Variants in ALCAM observed in about 807,000 individuals in gnomAD.
ALCAM encodes CD166 antigen.
In ALCAM, 30 loss-of-function variants were observed where a neutral mutation model predicts 70.9. The observed-to-expected ratio is 0.42, with a 90% CI of 0.32 to 0.57. ALCAM has a LOEUF of 0.57. Among genes scored for constraint, ALCAM ranks in the 20% least tolerant of loss-of-function variants. The probability of loss-of-function intolerance (pLI) is 0.11; values close to 1 mark genes in which losing one functional copy is unlikely to be tolerated. For missense variants in ALCAM, 591 were observed against 695.1 expected (o/e 0.85, Z 1.68); for synonymous variants, 249 against 242.5 (o/e 1.03, Z -0.25).
intron 1 of ALCAM, among the ~76,000 whole-genome samples, chr3:105,492,988 G>T (rs1938629878): frequency 6.6e-6 from 1 of 151,854 alleles, no homozygotes; most frequent in African/African-American, 2.4e-5. Flanking sequence ...CATTTTCTCA[G>T]TTCTGCAAAT....
intron 14 of ALCAM, among the ~76,000 whole-genome samples, chr3:105,559,992 G>C (rs1940598869): frequency 6.6e-6 from 1 of 152,046 alleles, no homozygotes; most frequent in Non-Finnish European, 1.5e-5. Context: ...TCCAGTTTGG[G>C]CTACTGCAAA....
In ALCAM at chr3:105,524,504, G is replaced by A. The variant is rs750792996; in HGVS notation, c.390G>A (p.Val130=). 3 of 1,614,060 alleles carry A rather than the reference G, an allele frequency of 1.9e-6. No individual in the cohort carries two copies. Among genetic ancestry groups the A allele is most frequent in the Non-Finnish European group, 2.5e-6 (3 of 1,179,934 alleles). The change falls in exon 3 of 16, where the codon GTG becomes GTA. Residue 130 remains valine, a synonymous_variant. Transcript: ENST00000306107. ...TTGAGGCACCTACAATAGTCAAGGTGTTCAGTAAGTAGTCTGCAGCAGTGT... is the reference window on the plus strand; with the variant it reads ...TTGAGGCACCTACAATAGTCAAGGTATTCAGTAAGTAGTCTGCAGCAGTGT... ...NVFEAPTIVK[V]FKQPSKPEIV... is the part of the protein sequence containing the mutation.
chr3:105,536,635 T>C (rs910880829), intron 6 of ALCAM, among the ~76,000 whole-genome samples: 6 of 152,150 alleles, frequency 3.9e-5, no homozygotes, highest in Non-Finnish European at 1.5e-5. Context: ...TCATGGCTTT[T>C]AAGAAGCCAC....
chr3:105,494,723 G>A (rs548572879), intron 1 of ALCAM, among the ~76,000 whole-genome samples: 2 of 150,806 alleles, frequency 1.3e-5, no homozygotes, highest in African/African-American at 2.4e-5. Context: ...GTAACGTCAC[G>A]ATCATAGCCT....
intron 1 of ALCAM, among the ~76,000 whole-genome samples, chr3:105,394,589 A>G (rs1007997141): frequency 6.6e-6 from 1 of 151,996 alleles, no homozygotes; most frequent in Non-Finnish European, 1.5e-5. Context: ...GAATTTTAAC[A>G]AGTTTTCACT....
intron 1 of ALCAM, among the ~76,000 whole-genome samples, chr3:105,437,806 T>C (rs964695484): frequency 1.3e-5 from 2 of 152,142 alleles, no homozygotes; most frequent in African/African-American, 4.8e-5. Flanking sequence ...CAAAATACCA[T>C]ACTTAAACTA....
At chr3:105,557,866 A>G (rs1940552623) in intron 14 of ALCAM, among the ~76,000 whole-genome samples, 1 of 152,132 alleles carries the variant, frequency 6.6e-6, no homozygotes, top group Admixed American at 6.5e-5. Context: ...TTTCATGAGG[A>G]ATTTCTTTGT....
At chr3:105,400,244 T>C (rs1245347163) in intron 1 of ALCAM, among the ~76,000 whole-genome samples, 5 of 152,164 alleles carry the variant, frequency 3.3e-5, no homozygotes, top group Non-Finnish European at 7.4e-5. Context: ...GTGGGTAAAG[T>C]ATTTGAAAGC....
At chr3:105,425,535 A>C (rs1386264252) in intron 1 of ALCAM, among the ~76,000 whole-genome samples, 1 of 151,998 alleles carries the variant, frequency 6.6e-6, no homozygotes, top group East Asian at 1.9e-4. Flanking sequence ...AATAGATTGC[A>C]CTGTAAAAAT....
intron 1 of ALCAM, among the ~76,000 whole-genome samples, chr3:105,496,827 G>GGGGTGTGTGTGTGTGTGT (rs755792411): frequency 9.6e-6 from 1 of 103,826 alleles, no homozygotes; most frequent in Non-Finnish European, 2.2e-5. Context: ...GTCCAATTGA[G>GGGGTGTGTGTGTGTGTGT]GTGTGTGTGT....
At chr3:105,514,463 T>A (rs1381218993) in intron 1 of ALCAM, among the ~76,000 whole-genome samples, 1 of 151,906 alleles carries the variant, frequency 6.6e-6, no homozygotes. Flanking sequence ...TAAGGTAAAT[T>A]AAGAAGGTAA....
intron 1 of ALCAM, among the ~76,000 whole-genome samples, chr3:105,479,053 A>G (rs2152606740): frequency 6.6e-6 from 1 of 152,312 alleles, no homozygotes; most frequent in East Asian, 1.9e-4. Flanking sequence ...GATTTAGGAA[A>G]CGAGATAATA....
chr3:105,547,330 T>G (rs1324027095), intron 10 of ALCAM, 46 bp downstream of exon 10: 2 of 1,575,356 alleles, frequency 1.3e-6, no homozygotes, highest in Non-Finnish European at 1.7e-6. Context: ...TTTGAGAATT[T>G]TTTACCTGGT....
chr3:105,378,354 T>C (rs1935429320), intron 1 of ALCAM, among the ~76,000 whole-genome samples: 1 of 151,994 alleles, frequency 6.6e-6, no homozygotes, highest in Non-Finnish European at 1.5e-5. Flanking sequence ...TTCTGCCTGG[T>C]ATTTAGTTTA....
intron 1 of ALCAM, among the ~76,000 whole-genome samples, chr3:105,473,496 T>C (rs1937998886): frequency 6.6e-6 from 1 of 151,550 alleles, no homozygotes; most frequent in Non-Finnish European, 1.5e-5. Flanking sequence ...TTTTCTTACT[T>C]AGCAAACCCA....
intron 1 of ALCAM, among the ~76,000 whole-genome samples, chr3:105,422,045 T>G (rs1936664520): frequency 6.6e-6 from 1 of 151,448 alleles, no homozygotes; most frequent in Admixed American, 6.6e-5. Flanking sequence ...TGTATGCTTT[T>G]GCATACTCAC....
intron 1 of ALCAM, among the ~76,000 whole-genome samples, chr3:105,444,306 A>G (rs1559793534): frequency 6.6e-6 from 1 of 152,194 alleles, no homozygotes; most frequent in Non-Finnish European, 1.5e-5. Context: ...GAAACTTACA[A>G]CCATGGTGGA....
intron 1 of ALCAM, among the ~76,000 whole-genome samples, chr3:105,429,561 C>A (rs1936875884): frequency 6.6e-6 from 1 of 151,886 alleles, no homozygotes; most frequent in Admixed American, 6.6e-5. Context: ...ATTAAGCTAG[C>A]ACTATAAACA....
chr3:105,522,497 T>C (rs578204873), intron 2 of ALCAM, among the ~76,000 whole-genome samples: 1 of 152,246 alleles, frequency 6.6e-6, no homozygotes, highest in East Asian at 1.9e-4. Context: ...GAAGTAAACA[T>C]AGAGAAGAAA....
Sources: gnomAD v4.1 joint callset for allele counts (sites outside exome capture counted in the v4.1 genomes callset) on GRCh38, gnomAD v4.1.1 for gene constraint, MANE v1.5 for transcripts, NCBI Gene and HGNC (gene_info 2026-07-23, HGNC 2026-07-21) for gene names.